Variants in RDH10 observed in about 807,000 individuals in gnomAD.
RDH10 encodes the protein retinol dehydrogenase 10.
Under a neutral mutation model 30.2 loss-of-function variants are expected in RDH10, and 12 were observed. The ratio of observed to expected loss-of-function variants is 0.40; its 90% confidence interval spans 0.25 to 0.64. The LOEUF is 0.64. Among genes scored for constraint, RDH10 ranks in the 30% least tolerant of loss-of-function variants. RDH10 has a pLI of 0.43. For missense variants in RDH10, 268 were observed against 445.2 expected, an observed-to-expected ratio of 0.60 and a Z score of 3.58; for synonymous variants, 189 against 172.2, an observed-to-expected ratio of 1.10 and a Z score of -0.76.
chr8:73,322,150 C>G, intron 4 of RDH10: 1 of 382,026 alleles, frequency 2.6e-6, no homozygotes. Context: ...ACATGTAACC[C>G]AGTGAATCAA....
chr8:73,322,056 T>C (rs1814781205), intron 4 of RDH10: 2 of 452,928 alleles, frequency 4.4e-6, no homozygotes, highest in African/African-American at 4.0e-5. Flanking sequence ...TTTCCTCCAG[T>C]GTAGCATAGC....
intron 2 of RDH10, among the ~76,000 whole-genome samples, chr8:73,316,233 G>C (rs35318396): frequency 0.21 from 31,401 of 152,034 alleles, 4,053 homozygotes; most frequent in South Asian, 0.4. Flanking sequence ...TCCTAGGGTG[G>C]TCTTGAACTC....
rs1814221707 is a variant in RDH10 at position 73,294,798 on chromosome 8, C to T, written c.-492C>T. ...CCGCCCCGCACCCCACTCTCCCACC[C>T]TCTCGCAACTTGGGTCGAGTTGACA... is the stretch of plus-strand genomic sequence containing the variant. On this transcript the variant is annotated 5_prime_UTR_variant, in exon 1 of 6. Coordinates refer to ENST00000240285, the MANE Select transcript of RDH10 (RefSeq NM_172037.5). 5.4e-6 allele frequency: 2 copies of T among 372,150 alleles called. No homozygotes were observed. Among genetic ancestry groups the T allele is most frequent in the African/African-American group, 2.1e-5 (1 of 47,350 alleles). The allele number at this position is 372,150 out of a possible 1,614,324, so 23.1% of individuals were successfully genotyped here.
chr8:73,302,028 A>G (rs1036757502), intron 2 of RDH10, among the ~76,000 whole-genome samples: 1 of 152,174 alleles, frequency 6.6e-6, no homozygotes, highest in African/African-American at 2.4e-5. Flanking sequence ...ATATTTACCA[A>G]TGATCAGTCC....
intron 2 of RDH10, chr8:73,310,770 C>T (rs887358795): frequency 4.6e-5 from 7 of 152,122 alleles, no homozygotes; most frequent in African/African-American, 1.7e-4. Flanking sequence ...ATCAAACACT[C>T]GTTTGATCAT....
At chr8:73,314,045 C>G (rs1273885460) in intron 2 of RDH10, among the ~76,000 whole-genome samples, 1 of 152,174 alleles carries the variant, frequency 6.6e-6, no homozygotes, top group African/African-American at 2.4e-5. Flanking sequence ...CAGATTTGCC[C>G]TTTATGTTCT....
At position 73,317,942 on chromosome 8, in the gene RDH10, A is replaced by C. The variant is rs546349557; in HGVS notation, c.526-1154A>C. Among the ~76,000 whole-genome samples the C allele has an allele frequency of 3.8e-3, 577 of 151,248 alleles. 2 individuals carry two copies. The highest frequency in any genetic ancestry group is 0.013 in the African/African-American group (540 of 41,064). On this transcript the variant is annotated intron_variant, in intron 2 of 5. Transcript: ENST00000240285. ...CCCCCACCCCCGCCCAAAAAAAAAA[A>C]ACCACAAACCCATATTAGGTATTCA...
In RDH10 at chr8:73,294,722, G is replaced by A. The variant is rs1814219098; in HGVS notation, c.-568G>A. 8.1e-6 allele frequency: 3 copies of A among 369,914 alleles called. No individual in the cohort carries two copies. Among genetic ancestry groups the A allele is most frequent in the East Asian group, 7.7e-5 (2 of 25,838 alleles). 22.9% of individuals were successfully genotyped at this position (369,914 alleles called of 1,614,324 possible). A position where few individuals can be genotyped will look rare whatever the true frequency, so the allele number is the denominator to read the frequency against. ...GAGCCCTCGGGGGCAGCTGCAAGGC[G>A]TTGGGCAGCGCTTGCCTGCGCCGAG... On this transcript the variant is annotated 5_prime_UTR_variant, in exon 1 of 6. Transcript: ENST00000240285.
At chr8:73,312,124 A>G (rs985697304) in intron 2 of RDH10, 9 of 152,214 alleles carry the variant, frequency 5.9e-5, no homozygotes, top group African/African-American at 2.2e-4. Context: ...AGGTGAGCTG[A>G]TAGTATGTCA....
rs950448944 is a variant in RDH10, at chr8:73,312,088, G to A, written c.526-7008G>A. On this transcript the variant is annotated intron_variant, in intron 2 of 5. Coordinates refer to ENST00000240285, the MANE Select transcript of RDH10 (RefSeq NM_172037.5). Reference sequence around the variant, plus strand: ...ACTTAATAAGTAGATACCTTTAGAGGTACTTTAGCCATATTTTCCTTACCC... The same window carrying A: ...ACTTAATAAGTAGATACCTTTAGAGATACTTTAGCCATATTTTCCTTACCC... 5 of 152,034 alleles carry A rather than the reference G, an allele frequency of 3.3e-5. No individual in the cohort carries two copies. In the East Asian group the frequency reaches 9.6e-4, roughly 29 times the overall value. 9.4% of individuals were successfully genotyped at this position (152,034 alleles called of 1,614,324 possible). A position where few individuals can be genotyped will look rare whatever the true frequency, so the allele number is the denominator to read the frequency against.
rs1163872682 is a variant in RDH10, at chr8:73,322,785, A to G, written c.877A>G (p.Met293Val). 6.2e-7 allele frequency: 1 copy of G among 1,614,170 alleles called. No homozygotes were observed. Among genetic ancestry groups the G allele is most frequent in the Admixed American group, 1.7e-5 (1 of 60,022 alleles). Residue 293 changes from methionine (M) to valine (V), a missense_variant, in exon 5 of 6, where the codon ATG becomes GTG. Physicochemically the swap from Met to Val is conservative, Grantham distance 21. Around this residue, in one of 4 missense-constraint regions of RDH10, gnomAD observed 136 missense variants for 288.8 expected, o/e 0.47. Coordinates refer to ENST00000240285, the MANE Select transcript of RDH10 (RefSeq NM_172037.5). ...DQPMICTPRLMYIVTFMKSIL... is the reference protein window; with the variant it reads ...DQPMICTPRLVYIVTFMKSIL... ...GCCCATGATCTGCACTCCCCGCCTC[A>G]TGTACATCGTGACCTTCATGAAGAG... is the stretch of plus-strand genomic sequence containing the variant.
At chr8:73,295,885 T>C (rs1814254346) in intron 1 of RDH10, 5 of 1,192,196 alleles carry the variant, frequency 4.2e-6, no homozygotes, top group Non-Finnish European at 5.2e-6. Context: ...TACCACAGGT[T>C]TGGATCCCAA....
At chr8:73,312,404 T>A (rs1299032062) in intron 2 of RDH10, 2 of 152,228 alleles carry the variant, frequency 1.3e-5, no homozygotes, top group Non-Finnish European at 2.9e-5. Context: ...AGTTAGTACT[T>A]AACACACACG....
chr8:73,295,485 T>C lies in RDH10; in HGVS notation c.196T>C (p.Trp66Arg). Residue 66 changes from tryptophan to arginine, a missense_variant, in exon 1 of 6, where the codon TGG becomes CGG. Around this residue, in one of 4 missense-constraint regions of RDH10, gnomAD observed 42 missense variants for 77.6 expected, o/e 0.54. Transcript: ENST00000240285. The part of the protein sequence containing the change: ...FARRRALLVL[W>R]DINTQSNEET... ...CCGGCGTCGGGCGCTGCTGGTGCTG[T>C]GGGACATCAACACGCAAAGCAACGA... The C allele has an allele frequency of 6.4e-7, 1 of 1,554,518 alleles. No homozygotes were observed. Among genetic ancestry groups the C allele is most frequent in the Non-Finnish European group, 8.7e-7 (1 of 1,150,272 alleles).
At chr8:73,305,024 C>G (rs1327002788) in intron 2 of RDH10, among the ~76,000 whole-genome samples, 2 of 152,124 alleles carry the variant, frequency 1.3e-5, no homozygotes, top group Non-Finnish European at 2.9e-5. Context: ...CCATTTTCTG[C>G]CCAAATAAAA....
chr8:73,296,914 A>G, intron 1 of RDH10: 1 of 400,680 alleles, frequency 2.5e-6, no homozygotes, highest in Non-Finnish European at 4.7e-6. Flanking sequence ...AGCTCCAGCA[A>G]GCTGATCCCA....
At chr8:73,317,332 A>G (rs1418235161) in intron 2 of RDH10, among the ~76,000 whole-genome samples, 1 of 152,212 alleles carries the variant, frequency 6.6e-6, no homozygotes, top group African/African-American at 2.4e-5. Context: ...ATGAGAGACT[A>G]TATAAATATG....
At position 73,324,242 on chromosome 8, in the gene RDH10, G is replaced by C. The variant is rs1814826371; in HGVS notation, c.*1206G>C. On this transcript the variant is annotated 3_prime_UTR_variant, in exon 6 of 6. Transcript: ENST00000240285. The stretch of plus-strand genomic sequence containing the variant: ...TATTCTATGGCATATGTATGGAAGG[G>C]TGTAAAGATTCTTTTGAAAGGTTTA... 6.6e-6 allele frequency: 1 copy of C among 152,662 alleles called. No individual in the cohort carries two copies. Among genetic ancestry groups the C allele is most frequent in the Non-Finnish European group, 1.5e-5 (1 of 68,040 alleles). The allele number at this position is 152,662 out of a possible 1,614,324, so 9.5% of individuals were successfully genotyped here.
intron 2 of RDH10, chr8:73,312,546 TC>T (rs1307776872): frequency 2.0e-5 from 3 of 152,336 alleles, no homozygotes; most frequent in East Asian, 3.9e-4. Flanking sequence ...AGGAGAGTGT[TC>T]CTTTGTGATT....
Sources: allele counts gnomAD v4.1 joint callset (sites outside exome capture counted in the v4.1 genomes callset), GRCh38; gene constraint gnomAD v4.1.1; regional missense constraint gnomAD v4.1.1; transcripts MANE v1.5; gene names NCBI Gene and HGNC (gene_info 2026-07-23, HGNC 2026-07-21).